VPS13B: variants seen among roughly 807,000 people sequenced by gnomAD.
VPS13B encodes vacuolar protein sorting 13 homolog B.
Under a neutral mutation model 426.4 loss-of-function variants are expected in VPS13B, and 285 were observed. The ratio of observed to expected loss-of-function variants is 0.67; its 90% CI spans 0.61 to 0.74. The LOEUF (loss-of-function observed/expected upper bound fraction) is 0.74. Ranked by LOEUF, VPS13B falls within the 30% of genes least tolerant of loss-of-function variation. VPS13B has a pLI of 0.00. For missense variants in VPS13B, 4,537 were observed against 4,782.6 expected, an observed-to-expected ratio of 0.95 and a Z score of 1.51; for synonymous variants, 1,676 against 1,676.4, an observed-to-expected ratio of 1.00 and a Z score of 0.01.
At chr8:99,751,225 TATAA>T (rs1810379279) in intron 39 of VPS13B, among the ~76,000 whole-genome samples, 1 of 152,186 alleles carries the variant, frequency 6.6e-6, no homozygotes, top group East Asian at 1.9e-4. Flanking sequence ...GTTATCTGCC[TATAA>T]ATAATTTTTA....
intron 43 of VPS13B, among the ~76,000 whole-genome samples, chr8:99,790,029 C>T (rs1356189135): frequency 6.6e-6 from 1 of 152,116 alleles, no homozygotes; most frequent in Admixed American, 6.6e-5. Flanking sequence ...AACTCACATA[C>T]AGACTAAAAG....
chr8:99,431,500 A>C (rs202129529), intron 21 of VPS13B, 37 bp from the exon 22 acceptor site: 2 of 1,610,478 alleles, frequency 1.2e-6, no homozygotes, highest in African/African-American at 1.3e-5. Flanking sequence ...ATTGTAAGTT[A>C]TGTTTCTATT....
intron 61 of VPS13B, chr8:99,875,208 A>G: frequency 4.4e-6 from 3 of 685,572 alleles, no homozygotes; most frequent in Non-Finnish European, 7.5e-6. Context: ...GGCTGTCCTA[A>G]GTCTCATGCA....
At chr8:99,592,630 A>G (rs1049539618) in intron 33 of VPS13B, among the ~76,000 whole-genome samples, 1 of 152,178 alleles carries the variant, frequency 6.6e-6, no homozygotes, top group African/African-American at 2.4e-5. Flanking sequence ...AAAAGAGCAA[A>G]GCTGGAGGCA....
chr8:99,374,521 T>C (rs1813370147), intron 19 of VPS13B, among the ~76,000 whole-genome samples: 1 of 152,122 alleles, frequency 6.6e-6, no homozygotes, highest in Non-Finnish European at 1.5e-5. Flanking sequence ...GGGACTGGTG[T>C]ATTGATTGTT....
At chr8:99,098,853 T>C (rs1407411773) in intron 4 of VPS13B, among the ~76,000 whole-genome samples, 1 of 152,114 alleles carries the variant, frequency 6.6e-6, no homozygotes, top group Non-Finnish European at 1.5e-5. Context: ...ACCATTTTCT[T>C]TTTATACTTT....
At chr8:99,193,201 T>A in intron 17 of VPS13B, 144 bp downstream of exon 17, 2 of 869,038 alleles carry the variant, frequency 2.3e-6, no homozygotes, top group Non-Finnish European at 1.7e-6. Context: ...AGCTTATGTT[T>A]AAAATCCAGA....
chr8:99,266,949 A>C, intron 17 of VPS13B, among the ~76,000 whole-genome samples: 1 of 152,168 alleles, frequency 6.6e-6, no homozygotes, highest in South Asian at 2.1e-4. Context: ...AATTGATACC[A>C]GTAGGGTAGG....
chr8:99,193,446 CA>C, intron 17 of VPS13B, among the ~76,000 whole-genome samples: 1 of 152,048 alleles, frequency 6.6e-6, no homozygotes, highest in Admixed American at 6.5e-5. Context: ...GTTTGGTAAA[CA>C]ATTTTTGTGT....
intron 21 of VPS13B, among the ~76,000 whole-genome samples, chr8:99,425,796 G>C (rs1327335339): frequency 2.0e-5 from 3 of 152,166 alleles, no homozygotes; most frequent in African/African-American, 4.8e-5. Context: ...TGGATATCTA[G>C]AAAACCCCAT....
intron 8 of VPS13B, among the ~76,000 whole-genome samples, chr8:99,133,992 G>T (rs1245476328): frequency 1.3e-5 from 2 of 152,164 alleles, no homozygotes; most frequent in Non-Finnish European, 2.9e-5. Flanking sequence ...CTTCCAATTT[G>T]TAAAAAGTGC....
chr8:99,669,814 C>A (rs1381654059), intron 35 of VPS13B, among the ~76,000 whole-genome samples: 1 of 151,896 alleles, frequency 6.6e-6, no homozygotes, highest in Non-Finnish European at 1.5e-5. Context: ...TGGTTATAAT[C>A]CTGTTTTGAA....
intron 52 of VPS13B, among the ~76,000 whole-genome samples, chr8:99,833,590 A>G (rs1815208604): frequency 6.6e-6 from 1 of 152,324 alleles, no homozygotes; most frequent in Non-Finnish European, 1.5e-5. Flanking sequence ...AACATTTGTC[A>G]TCTTTTACAC....
intron 33 of VPS13B, among the ~76,000 whole-genome samples, chr8:99,588,385 T>C (rs937182052): frequency 1.3e-5 from 2 of 151,802 alleles, no homozygotes; most frequent in South Asian, 2.1e-4. Context: ...GGGGATGTCA[T>C]TGAATCTACA....
At chr8:99,391,466 C>G in intron 20 of VPS13B, 91 bp from the exon 21 acceptor site, 1 of 1,593,226 alleles carries the variant, frequency 6.3e-7, no homozygotes. Flanking sequence ...TTGTGAAGGA[C>G]TGTCCTCAGT....
chr8:99,399,082 G>T (rs1358528978), intron 21 of VPS13B, among the ~76,000 whole-genome samples: 1 of 151,844 alleles, frequency 6.6e-6, no homozygotes, highest in East Asian at 1.9e-4. Context: ...ATAAAAGATG[G>T]TTTTAAAAAA....
chr8:99,693,447 C>T lies in VPS13B; in HGVS notation c.6047-6078C>T, dbSNP rs1460621405. On this transcript the variant is annotated intron_variant, in intron 35 of 61. Transcript: ENST00000357162. ...TAAACAGAGCCAAAGACAAAAACCA[C>T]ATGATTATCTCAATAGATGCAGAAA... Among the ~76,000 whole-genome samples the T allele has an allele frequency of 2.1e-3, 274 of 131,208 alleles. 2 individuals are homozygous for T. Among genetic ancestry groups the T allele is most frequent in the African/African-American group, 6.7e-3 (228 of 33,838 alleles). 86.1% of individuals were successfully genotyped at this position (131,208 alleles called of 152,430 possible).
intron 19 of VPS13B, among the ~76,000 whole-genome samples, chr8:99,313,983 T>C (rs957571146): frequency 1.3e-5 from 2 of 152,084 alleles, no homozygotes; most frequent in African/African-American, 4.8e-5. Context: ...CGGGATATAA[T>C]CTCCTTGTGT....
chr8:99,640,068 AAAGAAAAGAAAAG>A (rs1829283360), intron 33 of VPS13B, among the ~76,000 whole-genome samples: 1 of 136,234 alleles, frequency 7.3e-6, no homozygotes, highest in African/African-American at 2.7e-5. Context: ...AAAGAAAAGA[AAAGAAAAGAAAAG>A]AAAAGAAAAG....
Sources: gnomAD v4.1 joint callset for allele counts (sites outside exome capture counted in the v4.1 genomes callset) on GRCh38, gnomAD v4.1.1 for gene constraint, MANE v1.5 for transcripts, NCBI Gene and HGNC (gene_info 2026-07-23, HGNC 2026-07-21) for gene names.